TENM4: variants seen among roughly 807,000 people sequenced by gnomAD.
TENM4 encodes the protein teneurin transmembrane protein 4.
In TENM4, 82 loss-of-function variants were observed where a neutral mutation model predicts 243.3. The observed-to-expected ratio is 0.34, with a 90% CI of 0.28 to 0.40. The LOEUF (loss-of-function observed/expected upper bound fraction) is 0.40. TENM4 is among the 10% of genes least tolerant of loss of function. The probability of loss-of-function intolerance (pLI) is 1.00; values close to 1 mark genes in which losing one functional copy is unlikely to be tolerated. For synonymous variants in TENM4, 1,412 were observed against 1,456.3 expected (o/e 0.97, Z 0.69); for missense variants, 3,138 against 3,673.3 (o/e 0.85, Z 3.77).
intron 3 of TENM4, among the ~76,000 whole-genome samples, chr11:79,159,522 G>T (rs990067036): frequency 6.6e-6 from 1 of 152,140 alleles, no homozygotes; most frequent in African/African-American, 2.4e-5. Flanking sequence ...TTTCGCATCT[G>T]TAAAAAGGGG....
chr11:79,363,571 T>C (rs921670272), intron 1 of TENM4, among the ~76,000 whole-genome samples: 2 of 152,208 alleles, frequency 1.3e-5, no homozygotes, highest in Non-Finnish European at 2.9e-5. Context: ...GAAACACTTA[T>C]CTCCCAGAGG....
intron 1 of TENM4, among the ~76,000 whole-genome samples, chr11:79,333,691 G>C (rs185956218): frequency 1.3e-5 from 2 of 152,182 alleles, no homozygotes; most frequent in East Asian, 3.9e-4. Flanking sequence ...GGGTTTGAAG[G>C]CCTAAGAAAA....
chr11:79,002,617 C>T (rs1560996), intron 6 of TENM4, among the ~76,000 whole-genome samples: 8 of 152,072 alleles, frequency 5.3e-5, no homozygotes, highest in South Asian at 4.2e-4. Flanking sequence ...AACCCCCAAG[C>T]GCATCAAACA....
chr11:79,306,871 G>T (rs999376991), intron 1 of TENM4, among the ~76,000 whole-genome samples: 1 of 151,870 alleles, frequency 6.6e-6, no homozygotes, highest in East Asian at 1.9e-4. Flanking sequence ...AATGGTGGAG[G>T]CAGATGTATG....
intron 3 of TENM4, among the ~76,000 whole-genome samples, chr11:79,194,243 A>G (rs1863575915): frequency 6.6e-6 from 1 of 152,022 alleles, no homozygotes; most frequent in Non-Finnish European, 1.5e-5. Context: ...TCTTGTTCCC[A>G]GTTTTGGATA....
At chr11:78,967,478 A>T (rs942644914) in intron 6 of TENM4, among the ~76,000 whole-genome samples, 1 of 152,208 alleles carries the variant, frequency 6.6e-6, no homozygotes, top group Non-Finnish European at 1.5e-5. Flanking sequence ...CAGGAAAGTG[A>T]CAAGACCGGG....
At chr11:79,125,011 T>C (rs1179223653) in intron 4 of TENM4, among the ~76,000 whole-genome samples, 2 of 150,766 alleles carry the variant, frequency 1.3e-5, no homozygotes, top group African/African-American at 4.9e-5. Context: ...AGAAATAGAA[T>C]ATTAAGGATG....
At chr11:78,759,881 A>T (rs529261698) in intron 18 of TENM4, among the ~76,000 whole-genome samples, 70 of 152,356 alleles carry the variant, frequency 4.6e-4, no homozygotes, top group Non-Finnish European at 2.5e-4. Flanking sequence ...ATCTGAACTC[A>T]GTTCTTTCTG....
intron 1 of TENM4, among the ~76,000 whole-genome samples, chr11:79,322,278 C>A (rs1856903620): frequency 6.6e-6 from 1 of 152,202 alleles, no homozygotes; most frequent in South Asian, 2.1e-4. Flanking sequence ...CCATGCTAAT[C>A]CACACAGCTG....
chr11:78,658,953 C>T (rs1254979647), intron 33 of TENM4, 137 bp from the exon 34 acceptor site: 4 of 980,008 alleles, frequency 4.1e-6, no homozygotes, highest in Admixed American at 5.4e-5. Context: ...CCGCTGACCA[C>T]CAGAACATCC....
chr11:79,280,042 A>G (rs1590847542), intron 2 of TENM4, among the ~76,000 whole-genome samples: 1 of 151,944 alleles, frequency 6.6e-6, no homozygotes, highest in Non-Finnish European at 1.5e-5. Flanking sequence ...GGCAGCAAAA[A>G]GTGCCATTTT....
intron 33 of TENM4, 85 bp downstream of exon 33, chr11:78,661,364 G>T: frequency 6.6e-7 from 1 of 1,508,598 alleles, no homozygotes; most frequent in Non-Finnish European, 8.9e-7. Context: ...TCTATCACTG[G>T]CCCATGCTTT....
chr11:79,353,617 C>T (rs1374908953), intron 1 of TENM4, among the ~76,000 whole-genome samples: 1 of 152,086 alleles, frequency 6.6e-6, no homozygotes, highest in Non-Finnish European at 1.5e-5. Flanking sequence ...ACCTGAAAAA[C>T]ACTTATAATC....
intron 1 of TENM4, among the ~76,000 whole-genome samples, chr11:79,412,310 G>A (rs574737863): frequency 2.8e-4 from 42 of 152,354 alleles, no homozygotes; most frequent in African/African-American, 1.0e-3. Context: ...CCCTCATGAT[G>A]GCCCAGCTGG....
At chr11:78,927,978 G>A (rs555290698) in intron 6 of TENM4, among the ~76,000 whole-genome samples, 6 of 152,014 alleles carry the variant, frequency 3.9e-5, no homozygotes, top group African/African-American at 1.5e-4. Context: ...TGTCCTGCTG[G>A]GATCCCTTAA....
chr11:79,019,395 C>A (rs1263017631), intron 6 of TENM4, among the ~76,000 whole-genome samples: 3 of 152,126 alleles, frequency 2.0e-5, no homozygotes, highest in Non-Finnish European at 4.4e-5. Flanking sequence ...AGTAGAAGAG[C>A]CCATCCTCTC....
At chr11:78,715,490 A>G (rs946277949) in intron 25 of TENM4, among the ~76,000 whole-genome samples, 1 of 152,126 alleles carries the variant, frequency 6.6e-6, no homozygotes, top group African/African-American at 2.4e-5. Flanking sequence ...AGTGTCACTC[A>G]TGTGGAGTTT....
intron 1 of TENM4, among the ~76,000 whole-genome samples, chr11:79,392,640 C>T (rs1174787463): frequency 6.6e-6 from 1 of 152,212 alleles, no homozygotes; most frequent in African/African-American, 2.4e-5. Context: ...TGTGACACAG[C>T]AGGGATAAAT....
chr11:78,770,624 T>C (rs1024105867), intron 18 of TENM4, among the ~76,000 whole-genome samples: 1 of 152,220 alleles, frequency 6.6e-6, no homozygotes, highest in African/African-American at 2.4e-5. Flanking sequence ...CTCTGCAGCT[T>C]CTGTGATAAA....
Sources: gnomAD v4.1 joint callset for allele counts (sites outside exome capture counted in the v4.1 genomes callset) on GRCh38, gnomAD v4.1.1 for gene constraint, MANE v1.5 for transcripts, NCBI Gene and HGNC (gene_info 2026-07-23, HGNC 2026-07-21) for gene names.